MSRA: variants seen among roughly 807,000 people sequenced by gnomAD.
The protein encoded by MSRA is mitochondrial peptide methionine sulfoxide reductase.
A neutral mutation model predicts 31.3 loss-of-function variants in MSRA; 54 were observed. The observed-to-expected ratio is 1.73, with a 90% confidence interval of 1.39 to 2.17. The LOEUF (loss-of-function observed/expected upper bound fraction) is 2.17. Ranked by LOEUF, MSRA falls within the 30% of genes most tolerant of loss-of-function variation. The pLI is 0.00. For missense variants in MSRA, 507 were observed against 300.9 expected (o/e 1.69, Z -5.07); for synonymous variants, 169 against 116.5 (o/e 1.45, Z -2.90).
chr8:10,353,760 T>A (rs1804343065), intron 5 of MSRA: 1 of 379,254 alleles, frequency 2.6e-6, no homozygotes, highest in South Asian at 2.0e-5. Context: ...GAGGACAGGG[T>A]TCCACTTGGA....
At chr8:10,187,674 G>A (rs574205131) in intron 1 of MSRA, among the ~76,000 whole-genome samples, 29 of 152,308 alleles carry the variant, frequency 1.9e-4, no homozygotes, top group Non-Finnish European at 4.0e-4. Flanking sequence ...ATTACACTAA[G>A]CGTTACCGGC....
intron 1 of MSRA, among the ~76,000 whole-genome samples, chr8:10,129,556 G>C (rs1213521270): frequency 6.6e-6 from 1 of 152,090 alleles, no homozygotes; most frequent in Non-Finnish European, 1.5e-5. Context: ...CCTTGAGGAA[G>C]AGAAGGGGAA....
At chr8:10,222,807 G>C (rs1810643155) in intron 2 of MSRA, among the ~76,000 whole-genome samples, 1 of 152,204 alleles carries the variant, frequency 6.6e-6, no homozygotes, top group Admixed American at 6.5e-5. Flanking sequence ...TCAAAGCAGA[G>C]AGTACAATGA....
chr8:10,125,227 C>A (rs1801413661), intron 1 of MSRA, among the ~76,000 whole-genome samples: 1 of 152,190 alleles, frequency 6.6e-6, no homozygotes, highest in South Asian at 2.1e-4. Context: ...GTCATTCTTT[C>A]CAAAGACATG....
At chr8:10,074,508 A>T (rs892122711) in intron 1 of MSRA, among the ~76,000 whole-genome samples, 1 of 152,180 alleles carries the variant, frequency 6.6e-6, no homozygotes, top group East Asian at 1.9e-4. Flanking sequence ...GATCACTGAA[A>T]GGTAAACCAC....
At chr8:10,343,519 C>CTA (rs1450941149) in intron 5 of MSRA, among the ~76,000 whole-genome samples, 1 of 152,162 alleles carries the variant, frequency 6.6e-6, no homozygotes, top group East Asian at 1.9e-4. Context: ...ATGTCTGCTT[C>CTA]TGTAGCACCG....
intron 1 of MSRA, among the ~76,000 whole-genome samples, chr8:10,185,998 T>C (rs1807017110): frequency 6.6e-6 from 1 of 152,004 alleles, no homozygotes; most frequent in Admixed American, 6.6e-5. Flanking sequence ...AGCTGCACAC[T>C]CAGTTCCTTT....
intron 3 of MSRA, among the ~76,000 whole-genome samples, chr8:10,299,082 A>G (rs6601428): frequency 0.73 from 110,596 of 151,998 alleles, 40,658 homozygotes; most frequent in African/African-American, 0.84. Flanking sequence ...TTTATTAAAT[A>G]TGATAAGAGA....
At chr8:10,211,693 A>G (rs1368428907) in intron 2 of MSRA, among the ~76,000 whole-genome samples, 1 of 152,126 alleles carries the variant, frequency 6.6e-6, no homozygotes, top group African/African-American at 2.4e-5. Flanking sequence ...TTAAAGAAAC[A>G]TGGCCGAGGC....
intron 1 of MSRA, among the ~76,000 whole-genome samples, chr8:10,132,911 A>C (rs907259661): frequency 6.6e-6 from 1 of 152,248 alleles, no homozygotes; most frequent in Non-Finnish European, 1.5e-5. Context: ...GGCCATTTGC[A>C]TACTGACACT....
intron 3 of MSRA, among the ~76,000 whole-genome samples, chr8:10,287,221 G>A (rs887362937): frequency 6.6e-6 from 1 of 152,176 alleles, no homozygotes; most frequent in Non-Finnish European, 1.5e-5. Flanking sequence ...GTTACCATTA[G>A]CTCCAATGTT....
At chr8:10,374,151 A>G (rs1805628285) in intron 5 of MSRA, among the ~76,000 whole-genome samples, 1 of 152,208 alleles carries the variant, frequency 6.6e-6, no homozygotes, top group Non-Finnish European at 1.5e-5. Flanking sequence ...TTTGTTCTCC[A>G]GGCCAAATTC....
chr8:10,308,952 G>T (rs188752012), intron 4 of MSRA, among the ~76,000 whole-genome samples: 1 of 152,322 alleles, frequency 6.6e-6, no homozygotes, highest in Admixed American at 6.5e-5. Context: ...TGGCCCCTAA[G>T]GGGTGCTTAG....
intron 3 of MSRA, among the ~76,000 whole-genome samples, chr8:10,284,689 T>C (rs764150305): frequency 3.3e-5 from 5 of 152,172 alleles, no homozygotes; most frequent in African/African-American, 4.8e-5. Context: ...ATTCTGGAGC[T>C]ACATTATGGA....
At chr8:10,189,111 G>A (rs1390333352) in intron 1 of MSRA, among the ~76,000 whole-genome samples, 1 of 152,104 alleles carries the variant, frequency 6.6e-6, no homozygotes, top group Non-Finnish European at 1.5e-5. Flanking sequence ...AGTATTTCAT[G>A]TTATATGTTG....
chr8:10,324,382 C>T (rs1167064734), intron 5 of MSRA, among the ~76,000 whole-genome samples: 2 of 152,220 alleles, frequency 1.3e-5, no homozygotes, highest in Non-Finnish European at 2.9e-5. Flanking sequence ...GTCTGGATCC[C>T]TGGCCCTCTG....
intron 1 of MSRA, among the ~76,000 whole-genome samples, chr8:10,179,933 C>A (rs548171896): frequency 1.6e-4 from 25 of 152,148 alleles, no homozygotes; most frequent in Non-Finnish European, 3.2e-4. Flanking sequence ...TCTACACTCA[C>A]AAAACATTTC....
rs1051108912 is a variant in MSRA, at chr8:10,357,132, A to C, written c.543+37143A>C. 3.0e-4 allele frequency among the ~76,000 whole-genome samples: 45 copies of C among 152,348 alleles called. No individual in the cohort carries two copies. The South Asian group carries it at 4.8e-3, about 16-fold the overall frequency. ...TGATGCTTTTCATCGGCAAACCTACACCATGTGGTTTTTGCTCCTTTTCAC... is the reference window on the plus strand; with the variant it reads ...TGATGCTTTTCATCGGCAAACCTACCCCATGTGGTTTTTGCTCCTTTTCAC... On this transcript the variant is annotated intron_variant, in intron 5 of 5. Transcript: ENST00000317173.
intron 1 of MSRA, among the ~76,000 whole-genome samples, chr8:10,143,834 C>G (rs1563145761): frequency 1.3e-5 from 2 of 152,226 alleles, no homozygotes; most frequent in South Asian, 2.1e-4. Flanking sequence ...TGACCTCTAA[C>G]TCTTCCTCAA....
Sources: gnomAD v4.1 joint callset for allele counts (sites outside exome capture counted in the v4.1 genomes callset) on GRCh38, gnomAD v4.1.1 for gene constraint, MANE v1.5 for transcripts, NCBI Gene and HGNC (gene_info 2026-07-23, HGNC 2026-07-21) for gene names.